The following AK9 variants were observed in gnomAD, a reference collection of about 807,000 sequenced individuals.
The protein encoded by AK9 is adenylate kinase domain containing 1.
In AK9, 191 loss-of-function variants were observed where a neutral mutation model predicts 239.6. The observed-to-expected ratio is 0.80, with a 90% CI of 0.71 to 0.90. The LOEUF (loss-of-function observed/expected upper bound fraction) is 0.90. Among genes scored for constraint, AK9 ranks in the 40% least tolerant of loss-of-function variants. The pLI, the probability that AK9 is intolerant of heterozygous loss-of-function variation, is 0.00. For synonymous variants in AK9, 689 were observed against 721.0 expected (o/e 0.96, Z 0.71); for missense variants, 1,995 against 2,214.7 (o/e 0.90, Z 1.99).
chr6:109,516,832 A>C (rs1289890623), intron 29 of AK9, among the ~76,000 whole-genome samples, 190 bp from the exon 30 acceptor site: 5 of 152,178 alleles, frequency 3.3e-5, no homozygotes, highest in African/African-American at 9.7e-5. Context: ...CTTTTTTGTC[A>C]CGTTGCCAGA....
intron 17 of AK9, among the ~76,000 whole-genome samples, chr6:109,605,452 C>T (rs1287781051): frequency 1.3e-5 from 2 of 151,212 alleles, no homozygotes; most frequent in African/African-American, 2.4e-5. Flanking sequence ...TTTTTTTCAT[C>T]CCCACTCTGA....
intron 30 of AK9, 131 bp downstream of exon 30, chr6:109,516,299 C>A: frequency 1.1e-6 from 1 of 911,764 alleles, no homozygotes; most frequent in Middle Eastern, 2.7e-4. Flanking sequence ...TTAAATGATA[C>A]CGATAAAAGG....
In AK9 at chr6:109,629,158, G is replaced by A. The variant is rs564252571; in HGVS notation, c.1254+3765C>T. On this transcript the variant is annotated intron_variant, in intron 12 of 40. Transcript: ENST00000424296. ...AAGGTCTCACCATTTTGCCCAGGCT[G>A]GCCTCAAACTCCTAGACTCAAGTGA... Among the ~76,000 whole-genome samples, 3 of 151,948 alleles carry A rather than the reference G, an allele frequency of 2.0e-5. No homozygotes were observed. The East Asian group carries it at 5.8e-4, about 29-fold the overall frequency.
intron 24 of AK9, among the ~76,000 whole-genome samples, chr6:109,561,490 T>C (rs1456887091): frequency 6.6e-6 from 1 of 151,924 alleles, no homozygotes; most frequent in Non-Finnish European, 1.5e-5. Flanking sequence ...ATTTTTGTAT[T>C]TTTTGTAGAG....
chr6:109,504,615 C>A (rs924952609), intron 35 of AK9, among the ~76,000 whole-genome samples: 5 of 151,870 alleles, frequency 3.3e-5, no homozygotes, highest in Non-Finnish European at 7.4e-5. Context: ...TTGAGCCCAG[C>A]CTGGTCAACA....
chr6:109,605,600 T>C (rs980839252), intron 17 of AK9, among the ~76,000 whole-genome samples: 1 of 152,072 alleles, frequency 6.6e-6, no homozygotes. Context: ...CTGAGCAATT[T>C]TGGAGTAAGA....
intron 8 of AK9, among the ~76,000 whole-genome samples, chr6:109,645,521 T>C (rs1797945384): frequency 6.6e-6 from 1 of 152,202 alleles, no homozygotes; most frequent in Non-Finnish European, 1.5e-5. Flanking sequence ...CATCCGCCAT[T>C]GCTGAGGCTT....
In AK9 at chr6:109,550,196, TC is replaced by T; in HGVS notation, c.2857del (p.Glu953LysfsTer35). The part of the protein sequence containing the change: ...NFILQPGNTE[E>X]AAKYREKIYY... ...GATCTTTTCTCGATACTTGGCTGCT[TC>T]TTCTGTGTTTCCTGGTTGCAGGATG... On this transcript the variant is annotated frameshift_variant, in exon 25 of 41. Coordinates refer to ENST00000424296, the MANE Select transcript of AK9 (RefSeq NM_001145128.3). LOFTEE classifies it high-confidence loss of function. 2 of 1,613,972 alleles carry T rather than the reference TC, an allele frequency of 1.2e-6. No individual in the cohort carries two copies. Among genetic ancestry groups the T allele is most frequent in the Non-Finnish European group, 1.7e-6 (2 of 1,180,028 alleles).
rs1796442285 is a variant in AK9, at chr6:109,634,128, C to G, written c.934-805G>C. Reference sequence around the variant, plus strand: ...ATTGTGATGGTATTAAGAGGTAGGACTGTTAAGAGGTGATTAGGTCACGAG... The same window carrying G: ...ATTGTGATGGTATTAAGAGGTAGGAGTGTTAAGAGGTGATTAGGTCACGAG... On this transcript the variant is annotated intron_variant, in intron 10 of 40. Transcript: ENST00000424296. Among the ~76,000 whole-genome samples the G allele has an allele frequency of 2.0e-5, 3 of 152,120 alleles. No homozygotes were observed. In the South Asian group the frequency reaches 6.2e-4, roughly 32 times the overall value.
At chr6:109,587,665 T>G (rs1462269803) in intron 17 of AK9, among the ~76,000 whole-genome samples, 1 of 152,226 alleles carries the variant, frequency 6.6e-6, no homozygotes, top group East Asian at 1.9e-4. Context: ...CCATCCATGT[T>G]ACTGCAAAAG....
At chr6:109,677,288 T>C (rs1771898963) in intron 1 of AK9, among the ~76,000 whole-genome samples, 1 of 152,112 alleles carries the variant, frequency 6.6e-6, no homozygotes. Flanking sequence ...TTTTTAAAAA[T>C]AGTAATTTTC....
chr6:109,553,686 C>A (rs779950386), intron 24 of AK9, among the ~76,000 whole-genome samples: 1 of 152,052 alleles, frequency 6.6e-6, no homozygotes, highest in African/African-American at 2.4e-5. Flanking sequence ...ATTTGAATAC[C>A]CTTTATTTCT....
chr6:109,584,735 C>T (rs1277231583), intron 19 of AK9, among the ~76,000 whole-genome samples: 1 of 151,936 alleles, frequency 6.6e-6, no homozygotes, highest in Admixed American at 6.6e-5. Context: ...GGATTTTAGT[C>T]ATGTCGCACA....
chr6:109,577,904 C>CTATT (rs1554260369), intron 20 of AK9, among the ~76,000 whole-genome samples: 1 of 137,166 alleles, frequency 7.3e-6, no homozygotes, highest in East Asian at 2.1e-4. Flanking sequence ...CTCTCTTTCT[C>CTATT]TCTTTCTTTC....
chr6:109,565,769 A>G (rs1327316882), intron 21 of AK9, among the ~76,000 whole-genome samples: 1 of 152,204 alleles, frequency 6.6e-6, no homozygotes, highest in Non-Finnish European at 1.5e-5. Context: ...AGACAAAAGT[A>G]CATATATCTA....
At position 109,506,807 on chromosome 6, in the gene AK9, AG is replaced by A; in HGVS notation, c.4482-8del. The A allele has an allele frequency of 6.8e-7, 1 of 1,475,088 alleles. No homozygotes were observed. Among genetic ancestry groups the A allele is most frequent in the African/African-American group, 1.4e-5 (1 of 70,032 alleles). The allele number at this position is 1,475,088 out of a possible 1,614,324, so 91.4% of individuals were successfully genotyped here. On this transcript the variant is annotated splice_region_variant and splice_polypyrimidine_tract_variant and intron_variant, in intron 33 of 40. Transcript: ENST00000424296. Reference sequence around the variant, plus strand: ...ATATCCATCGATGACAACACTAACAAGGAAAAACATGAAAATAAAAATTCCA... The same window carrying A: ...ATATCCATCGATGACAACACTAACAAGAAAAACATGAAAATAAAAATTCCA...
At chr6:109,651,681 A>C (rs1287588714) in intron 8 of AK9, among the ~76,000 whole-genome samples, 1 of 152,168 alleles carries the variant, frequency 6.6e-6, no homozygotes, top group Non-Finnish European at 1.5e-5. Context: ...AACAAGACTA[A>C]TAAAGAAGAA....
intron 1 of AK9, among the ~76,000 whole-genome samples, chr6:109,682,012 C>T (rs1039536551): frequency 6.6e-6 from 1 of 152,266 alleles, no homozygotes; most frequent in East Asian, 1.9e-4. Flanking sequence ...GACACCCTAA[C>T]ATCACAATTA....
intron 27 of AK9, among the ~76,000 whole-genome samples, chr6:109,540,658 G>A (rs1396515675): frequency 1.3e-5 from 2 of 152,150 alleles, no homozygotes; most frequent in Non-Finnish European, 2.9e-5. Flanking sequence ...TGGTACCTCA[G>A]TTGGAAATTC....
Sources: gnomAD v4.1 joint callset for allele counts (sites outside exome capture counted in the v4.1 genomes callset) on GRCh38, gnomAD v4.1.1 for gene constraint, MANE v1.5 for transcripts, NCBI Gene and HGNC (gene_info 2026-07-23, HGNC 2026-07-21) for gene names.